Variants in LUZP1 observed in about 807,000 individuals in gnomAD.
The protein encoded by LUZP1 is filamin mechanobinding actin cross-linking protein.
LUZP1 carries 25 observed loss-of-function variants against 71.3 expected under a neutral mutation model. The ratio of observed to expected loss-of-function variants is 0.35; its 90% CI spans 0.26 to 0.49. The LOEUF (loss-of-function observed/expected upper bound fraction) is 0.49, where lower values mean the gene tolerates loss of function less well. LUZP1 is among the 20% of genes least tolerant of loss of function. LUZP1 has a pLI of 0.99. For synonymous variants in LUZP1, 481 were observed against 506.4 expected (o/e 0.95, Z 0.67); for missense variants, 1,142 against 1,300.8 (o/e 0.88, Z 1.88).
intron 2 of LUZP1, among the ~76,000 whole-genome samples, chr1:23,139,019 A>AAAATATATATATATATATATAT (rs1317355746): frequency 3.3e-5 from 2 of 59,962 alleles, no homozygotes; most frequent in African/African-American, 1.9e-4. Flanking sequence ...AAAAAAAAAA[A>AAAATATATATATATATATATAT]ATATATATAT....
intron 3 of LUZP1, among the ~76,000 whole-genome samples, chr1:23,095,321 C>T (rs1290594805): frequency 6.6e-6 from 1 of 152,164 alleles, no homozygotes; most frequent in Non-Finnish European, 1.5e-5. Context: ...TCCACCACTA[C>T]AGCAAACCAG....
At chr1:23,124,892 C>T (rs182053026) in intron 2 of LUZP1, among the ~76,000 whole-genome samples, 97 of 152,190 alleles carry the variant, frequency 6.4e-4, no homozygotes, top group Non-Finnish European at 1.4e-3. Context: ...CATTCTAATG[C>T]CCTTTCAAAC....
intron 2 of LUZP1, among the ~76,000 whole-genome samples, chr1:23,164,364 G>A (rs981101401): frequency 5.3e-5 from 8 of 151,944 alleles, no homozygotes; most frequent in African/African-American, 1.2e-4. Context: ...GCATGGTGGC[G>A]GGTGCCTGTA....
intron 2 of LUZP1, among the ~76,000 whole-genome samples, chr1:23,155,448 G>A (rs568899187): frequency 6.1e-4 from 93 of 152,288 alleles, no homozygotes; most frequent in African/African-American, 2.1e-3. Context: ...GGGTCAAACC[G>A]ATCTCACATC....
At chr1:23,136,800 C>T (rs1644257932) in intron 2 of LUZP1, among the ~76,000 whole-genome samples, 1 of 152,110 alleles carries the variant, frequency 6.6e-6, no homozygotes, top group South Asian at 2.1e-4. Context: ...GCCTGTAGTC[C>T]CAGCTACTCA....
intron 2 of LUZP1, among the ~76,000 whole-genome samples, chr1:23,124,464 A>T (rs1420864566): frequency 1.3e-5 from 2 of 152,140 alleles, no homozygotes; most frequent in African/African-American, 4.8e-5. Flanking sequence ...CAAGCAAAGA[A>T]ACCAACTCTC....
intron 2 of LUZP1, among the ~76,000 whole-genome samples, chr1:23,116,097 C>G (rs952932480): frequency 1.3e-5 from 2 of 151,500 alleles, no homozygotes; most frequent in Non-Finnish European, 1.5e-5. Context: ...AAAATAAAAC[C>G]AGGCCAGGTG....
chr1:23,092,195 G>A (rs1373970780), exon 4 of LUZP1: 3 of 1,614,014 alleles, frequency 1.9e-6, no homozygotes. Flanking sequence ...TTTCTCTAGA[G>A]TTAGGCTGTG....
chr1:23,096,156 A>G (rs966825932), intron 3 of LUZP1, among the ~76,000 whole-genome samples: 1 of 152,084 alleles, frequency 6.6e-6, no homozygotes, highest in African/African-American at 2.4e-5. Context: ...AGGAGAAAGG[A>G]ACAAGGTGCT....
chr1:23,149,105 A>AT (rs1644364145), intron 2 of LUZP1, among the ~76,000 whole-genome samples: 1 of 149,704 alleles, frequency 6.7e-6, no homozygotes, highest in African/African-American at 2.4e-5. Context: ...AAAAAAAAAA[A>AT]ATTAAATTAA....
intron 4 of LUZP1, chr1:23,090,917 A>C: frequency 1.4e-6 from 1 of 718,202 alleles, no homozygotes; most frequent in Non-Finnish European, 2.6e-6. Flanking sequence ...CCAAGGGAAG[A>C]GAAGACAGAT....
At chr1:23,130,132 T>C (rs1234563857) in intron 2 of LUZP1, among the ~76,000 whole-genome samples, 2 of 152,192 alleles carry the variant, frequency 1.3e-5, no homozygotes, top group Admixed American at 1.3e-4. Flanking sequence ...GCCCAGACAT[T>C]TTCCCTGCCT....
At chr1:23,095,984 C>T (rs1419718613) in intron 3 of LUZP1, among the ~76,000 whole-genome samples, 2 of 152,054 alleles carry the variant, frequency 1.3e-5, no homozygotes, top group Non-Finnish European at 2.9e-5. Context: ...GAGCTTATAA[C>T]TAAAAATTAC....
chr1:23,098,424 G>C (rs1643905533), intron 3 of LUZP1, among the ~76,000 whole-genome samples: 1 of 152,170 alleles, frequency 6.6e-6, no homozygotes, highest in Non-Finnish European at 1.5e-5. Flanking sequence ...TATTGATAAT[G>C]TCAAAAACGA....
intron 2 of LUZP1, among the ~76,000 whole-genome samples, chr1:23,165,598 C>T (rs1230626467): frequency 6.6e-6 from 1 of 151,984 alleles, no homozygotes; most frequent in Non-Finnish European, 1.5e-5. Flanking sequence ...ATCACTTGAG[C>T]CCAGGCAGTA....
intron 1 of LUZP1, among the ~76,000 whole-genome samples, chr1:23,173,702 G>C (rs571131810): frequency 1.3e-5 from 2 of 152,254 alleles, no homozygotes; most frequent in Admixed American, 6.5e-5. Context: ...TTCCAAAAAA[G>C]ACTTTGCTAT....
At chr1:23,161,894 G>A (rs2148206385) in intron 2 of LUZP1, among the ~76,000 whole-genome samples, 1 of 152,126 alleles carries the variant, frequency 6.6e-6, no homozygotes, top group Middle Eastern at 3.4e-3. Context: ...AGGCGTGGTG[G>A]TAGGCACCTT....
intron 2 of LUZP1, chr1:23,163,817 A>G (rs1477174009): frequency 1.3e-5 from 2 of 152,214 alleles, no homozygotes; most frequent in Admixed American, 6.5e-5. Flanking sequence ...CTGAGCATCA[A>G]TCATACCTGA....
At chr1:23,120,820 A>G (rs1033867752) in intron 2 of LUZP1, among the ~76,000 whole-genome samples, 1 of 152,224 alleles carries the variant, frequency 6.6e-6, no homozygotes, top group African/African-American at 2.4e-5. Context: ...AGGCAAGCTG[A>G]TATCAACTAA....
Sources: allele counts gnomAD v4.1 joint callset (sites outside exome capture counted in the v4.1 genomes callset), GRCh38; gene constraint gnomAD v4.1.1; transcripts MANE v1.5; gene names NCBI Gene and HGNC (gene_info 2026-07-23, HGNC 2026-07-21).